Variants in BRAF observed in about 807,000 individuals in gnomAD.
BRAF encodes B-Raf proto-oncogene, serine/threonine kinase.
BRAF carries 16 observed loss-of-function variants against 104.6 expected under a neutral mutation model. The ratio of observed to expected loss-of-function variants is 0.15; its 90% CI spans 0.10 to 0.23. BRAF has a LOEUF of 0.23. Ranked by LOEUF, BRAF falls within the 10% of genes least tolerant of loss-of-function variation. The probability of loss-of-function intolerance (pLI) is 1.00; values close to 1 mark genes in which losing one functional copy is unlikely to be tolerated. For synonymous variants in BRAF, 310 were observed against 341.6 expected (o/e 0.91, Z 1.02); for missense variants, 541 against 937.3 (o/e 0.58, Z 5.52).
In BRAF at chr7:140,734,681, T is replaced by C. The variant is rs1365239245; in HGVS notation, c.2337A>G (p.Gln779=). The change falls in exon 19 of 20, where the codon CAA becomes CAG. Residue 779 remains glutamine, a synonymous_variant. Coordinates refer to ENST00000644969, the MANE Select transcript of BRAF (RefSeq NM_001374258.1). The stretch of plus-strand genomic sequence containing the variant: ...AAGCATATAGACTAAAATCCTCTGT[T>C]TGGAAACCAGCCCGATTCAAGGAGG... ...SEPSLNRAGF[Q]TEDFSLYACA... 6.2e-7 allele frequency: 1 copy of C among 1,612,934 alleles called. No individual in the cohort carries two copies. The highest frequency in any genetic ancestry group is 1.3e-5 in the African/African-American group (1 of 74,554).
At chr7:140,796,037 C>T (rs1024354900) in intron 7 of BRAF, among the ~76,000 whole-genome samples, 2 of 152,062 alleles carry the variant, frequency 1.3e-5, no homozygotes, top group South Asian at 4.1e-4. Context: ...TGACTGACAA[C>T]CATTTACAGG....
At chr7:140,735,032 TAGTC>T (rs1331320017) in intron 18 of BRAF, among the ~76,000 whole-genome samples, 1 of 152,228 alleles carries the variant, frequency 6.6e-6, no homozygotes, top group Non-Finnish European at 1.5e-5. Context: ...GAGTAATTCT[TAGTC>T]AGCTTTTATT....
In BRAF at chr7:140,725,008, G is replaced by A; in HGVS notation, c.*1486C>T. On this transcript the variant is annotated 3_prime_UTR_variant, in exon 20 of 20. Transcript: ENST00000644969. ...GCCAGTTCTTTCTATAAAAACAACT[G>A]ATGACAGCTTTCCCACACCCTCCCT... 1 of 1,046,676 alleles carries A rather than the reference G, an allele frequency of 9.6e-7. No homozygotes were observed. Among genetic ancestry groups the A allele is most frequent in the Non-Finnish European group, 1.2e-6 (1 of 867,526 alleles). 64.8% of individuals were successfully genotyped at this position (1,046,676 alleles called of 1,614,324 possible). A position where few individuals can be genotyped will look rare whatever the true frequency, so the allele number is the denominator to read the frequency against.
rs983223230 is a variant in BRAF at position 140,770,742 on chromosome 7, C to A, written c.1814+6170G>T. Among the ~76,000 whole-genome samples, 4 of 152,004 alleles carry A rather than the reference C, an allele frequency of 2.6e-5. 1 individual carries two copies. The highest frequency in any genetic ancestry group is 6.8e-3 in the Middle Eastern group (2 of 294). On this transcript the variant is annotated intron_variant, in intron 14 of 19. Coordinates refer to ENST00000644969, the MANE Select transcript of BRAF (RefSeq NM_001374258.1). ...CTTGAGGTCAGGAGTTCAAGACCAG[C>A]CTGGCCATCATGGTGAAAACCCGTT...
intron 17 of BRAF, chr7:140,740,597 A>G (rs1796839785): frequency 6.6e-6 from 1 of 152,152 alleles, no homozygotes; most frequent in South Asian, 2.1e-4. Context: ...GCAGGCAGGG[A>G]TAGATGTTAG....
At chr7:140,858,053 G>A (rs1032317676) in intron 1 of BRAF, among the ~76,000 whole-genome samples, 1 of 152,090 alleles carries the variant, frequency 6.6e-6, no homozygotes, top group African/African-American at 2.4e-5. Context: ...AAGAATGCCA[G>A]CTAATATAAA....
At chr7:140,809,128 A>G (rs570548691) in intron 3 of BRAF, 133 bp from the exon 4 acceptor site, 29 of 678,752 alleles carry the variant, frequency 4.3e-5, no homozygotes, top group Middle Eastern at 3.8e-4. Context: ...CCATTTCTAC[A>G]GCTAACTTAA....
Position 140,739,793 on chromosome 7 carries a change from G to C in BRAF, c.2247+19C>G. The C allele has an allele frequency of 1.2e-6, 2 of 1,611,464 alleles. No homozygotes were observed. The highest frequency in any genetic ancestry group is 1.7e-6 in the Non-Finnish European group (2 of 1,179,748). ...GAATGTTAGTCTGTTCTTTTGGATA[G>C]CATGAAGCTTTTACTTACTTGGGGA... On this transcript the variant is annotated intron_variant, in intron 18 of 19. Transcript: ENST00000644969.
intron 14 of BRAF, among the ~76,000 whole-genome samples, chr7:140,756,711 TAAG>T (rs1798233324): frequency 6.6e-6 from 1 of 152,186 alleles, no homozygotes; most frequent in African/African-American, 2.4e-5. Context: ...GGTAAGATGT[TAAG>T]GAGAGCATTA....
intron 2 of BRAF, among the ~76,000 whole-genome samples, chr7:140,841,045 G>T (rs780504806): frequency 1.3e-5 from 2 of 151,842 alleles, no homozygotes; most frequent in Non-Finnish European, 2.9e-5. Context: ...GTAATAAAAG[G>T]ACAAACCCAG....
chr7:140,807,281 A>C (rs1384795844), intron 5 of BRAF, among the ~76,000 whole-genome samples: 1 of 152,196 alleles, frequency 6.6e-6, no homozygotes, highest in Non-Finnish European at 1.5e-5. Context: ...CAAGTGTGTC[A>C]AGATATATGC....
At chr7:140,863,799 T>C (rs1271859452) in intron 1 of BRAF, among the ~76,000 whole-genome samples, 1 of 152,222 alleles carries the variant, frequency 6.6e-6, no homozygotes, top group African/African-American at 2.4e-5. Context: ...CTGCCATGAC[T>C]GTAAGTTTCC....
At chr7:140,807,356 C>G (rs1267815061) in intron 5 of BRAF, among the ~76,000 whole-genome samples, 1 of 151,784 alleles carries the variant, frequency 6.6e-6, no homozygotes, top group East Asian at 1.9e-4. Context: ...AAATGTCTAT[C>G]AATAGAGAAA....
At chr7:140,877,257 T>G (rs1045955698) in intron 1 of BRAF, among the ~76,000 whole-genome samples, 11 of 144,482 alleles carry the variant, frequency 7.6e-5, no homozygotes, top group African/African-American at 2.8e-4. Context: ...ATCATTAAGC[T>G]TGTGCCATTA....
intron 14 of BRAF, among the ~76,000 whole-genome samples, chr7:140,772,107 G>A (rs747651758): frequency 6.6e-6 from 1 of 152,078 alleles, no homozygotes; most frequent in Non-Finnish European, 1.5e-5. Flanking sequence ...TTAAAACAGA[G>A]AACCAAACAT....
In BRAF at chr7:140,798,272, C is replaced by CTTTTTTTTTTTTTTTTTTTTTTTTTT. The variant is rs10525418; in HGVS notation, c.980+2089_980+2090insAAAAAAAAAAAAAAAAAAAAAAAAAA. On this transcript the variant is annotated intron_variant, in intron 7 of 19. Coordinates refer to ENST00000644969, the MANE Select transcript of BRAF (RefSeq NM_001374258.1). ...AATGCTGTATGGGGACTTTTTTTTT[C>CTTTTTTTTTTTTTTTTTTTTTTTTTT]TTTTTTTTGAGACGGAGTCTTGCTC... Among the ~76,000 whole-genome samples, 2 of 115,624 alleles carry CTTTTTTTTTTTTTTTTTTTTTTTTTT rather than the reference C, an allele frequency of 1.7e-5. 1 individual carries two copies. The highest frequency in any genetic ancestry group is 3.3e-5 in the Non-Finnish European group (2 of 60,590). The allele number at this position is 115,624 out of a possible 152,430, so 75.9% of individuals were successfully genotyped here.
In BRAF at chr7:140,781,462, T is replaced by C. The variant is rs1800861868; in HGVS notation, c.1552+114A>G. On this transcript the variant is annotated intron_variant, in intron 12 of 19. Coordinates refer to ENST00000644969, the MANE Select transcript of BRAF (RefSeq NM_001374258.1). Reference sequence around the variant, plus strand: ...GGAGGAGTCCTGAAACTAATCAAAATAGTTTATTGATGCGAACAGTGAATA... The same window carrying C: ...GGAGGAGTCCTGAAACTAATCAAAACAGTTTATTGATGCGAACAGTGAATA... The C allele has an allele frequency of 1.9e-6, 2 of 1,076,388 alleles. No individual in the cohort carries two copies. The highest frequency in any genetic ancestry group is 2.8e-6 in the Non-Finnish European group (2 of 703,370). The allele number at this position is 1,076,388 out of a possible 1,614,324, so 66.7% of individuals were successfully genotyped here. A position where few individuals can be genotyped will look rare whatever the true frequency, so the allele number is the denominator to read the frequency against.
intron 19 of BRAF, among the ~76,000 whole-genome samples, chr7:140,730,146 G>A (rs1284443649): frequency 2.0e-5 from 3 of 151,950 alleles, no homozygotes; most frequent in Non-Finnish European, 2.9e-5. Flanking sequence ...TTTTCTTAAT[G>A]ATTCCTTCTT....
rs894108486 is a variant in BRAF at position 140,721,641 on chromosome 7, C to T, written c.*4853G>A. 1.3e-6 allele frequency: 2 copies of T among 1,535,392 alleles called. No individual in the cohort carries two copies. The highest frequency in any genetic ancestry group is 2.7e-5 in the African/African-American group (2 of 72,956). ...TCACCTGAGGCAGAGATGCTACTACCCTCTTCTGGGGCTCAACTACCGATG... is the reference window on the plus strand; with the variant it reads ...TCACCTGAGGCAGAGATGCTACTACTCTCTTCTGGGGCTCAACTACCGATG... On this transcript the variant is annotated 3_prime_UTR_variant, in exon 20 of 20. Coordinates refer to ENST00000644969, the MANE Select transcript of BRAF (RefSeq NM_001374258.1).
Sources: gnomAD v4.1 joint callset for allele counts (sites outside exome capture counted in the v4.1 genomes callset) on GRCh38, gnomAD v4.1.1 for gene constraint, MANE v1.5 for transcripts, NCBI Gene and HGNC (gene_info 2026-07-23, HGNC 2026-07-21) for gene names.